Variants in SH3GL2 observed in about 807,000 individuals in gnomAD.
SH3GL2 encodes the protein endophilin-A1.
A neutral mutation model predicts 46.0 loss-of-function variants in SH3GL2; 24 were observed. The ratio of observed to expected loss-of-function variants is 0.52; its 90% CI spans 0.38 to 0.73. The LOEUF is 0.73. SH3GL2 is among the 30% of genes least tolerant of loss of function. The probability of loss-of-function intolerance (pLI) is 0.00; values close to 1 mark genes in which losing one functional copy is unlikely to be tolerated. For synonymous variants in SH3GL2, 196 were observed against 147.1 expected, an observed-to-expected ratio of 1.33 and a Z score of -2.40; for missense variants, 413 against 424.2, an observed-to-expected ratio of 0.97 and a Z score of 0.23.
intron 3 of SH3GL2, among the ~76,000 whole-genome samples, chr9:17,781,929 G>A (rs372354015): frequency 1.2e-4 from 18 of 152,024 alleles, no homozygotes; most frequent in African/African-American, 3.6e-4. Flanking sequence ...CCCACACTCT[G>A]CCTCACAGCA....
chr9:17,789,603 A>G (rs750608098), intron 6 of SH3GL2, 53 bp downstream of exon 6: 15 of 1,605,648 alleles, frequency 9.3e-6, no homozygotes, highest in Admixed American at 3.3e-5. Context: ...GCACAACATT[A>G]ATATGTTAAA....
At chr9:17,762,161 C>A (rs1823194514) in intron 3 of SH3GL2, among the ~76,000 whole-genome samples, 1 of 152,170 alleles carries the variant, frequency 6.6e-6, no homozygotes, top group South Asian at 2.1e-4. Context: ...ACCTGATAGA[C>A]CTCCTCATTA....
At chr9:17,662,880 T>G (rs548681509) in intron 1 of SH3GL2, among the ~76,000 whole-genome samples, 14 of 152,202 alleles carry the variant, frequency 9.2e-5, no homozygotes, top group Non-Finnish European at 1.9e-4. Flanking sequence ...CAGCTCATTT[T>G]TGTATTTTTT....
chr9:17,649,889 T>C (rs1389192362), intron 1 of SH3GL2, among the ~76,000 whole-genome samples: 4 of 152,246 alleles, frequency 2.6e-5, no homozygotes, highest in Non-Finnish European at 5.9e-5. Context: ...GTTCAGAGAT[T>C]TGACAGGTTT....
At chr9:17,664,726 AT>A (rs1820300712) in intron 1 of SH3GL2, among the ~76,000 whole-genome samples, 2 of 151,686 alleles carry the variant, frequency 1.3e-5, no homozygotes, top group South Asian at 4.2e-4. Flanking sequence ...CATATAGAAA[AT>A]TCAAAAGTAC....
At chr9:17,699,847 C>T (rs950062385) in intron 1 of SH3GL2, among the ~76,000 whole-genome samples, 1 of 152,202 alleles carries the variant, frequency 6.6e-6, no homozygotes, top group Non-Finnish European at 1.5e-5. Flanking sequence ...TAAAGTGTCA[C>T]GTTGAACACT....
In SH3GL2 at chr9:17,786,369, C is replaced by T. The variant is rs1194218077; in HGVS notation, c.188-12C>T. Reference sequence around the variant, plus strand: ...TGCCTACTCTGAAAGCTTGTTCTCTCTTCACCTTCAGCTTCCAGAGCTAAG... The same window carrying T: ...TGCCTACTCTGAAAGCTTGTTCTCTTTTCACCTTCAGCTTCCAGAGCTAAG... On this transcript the variant is annotated splice_polypyrimidine_tract_variant and intron_variant, in intron 3 of 8. Coordinates refer to ENST00000380607, the MANE Select transcript of SH3GL2 (RefSeq NM_003026.5). 6.2e-7 allele frequency: 1 copy of T among 1,603,206 alleles called. No individual in the cohort carries two copies. The highest frequency in any genetic ancestry group is 1.1e-5 in the South Asian group (1 of 89,686).
At chr9:17,751,470 T>TTGTTTGTGCGTGCGTG (rs1433444435) in intron 2 of SH3GL2, among the ~76,000 whole-genome samples, 1 of 132,926 alleles carries the variant, frequency 7.5e-6, no homozygotes, top group African/African-American at 3.0e-5. Context: ...GTGTGTGTTT[T>TTGTTTGTGCGTGCGTG]TGTGTGTGCG....
At chr9:17,757,989 C>T (rs1401484294) in intron 2 of SH3GL2, among the ~76,000 whole-genome samples, 4 of 152,074 alleles carry the variant, frequency 2.6e-5, no homozygotes, top group East Asian at 3.9e-4. Context: ...TATGGAGGAC[C>T]GAGGTGGAGA....
At chr9:17,782,740 G>T (rs1823846131) in intron 3 of SH3GL2, among the ~76,000 whole-genome samples, 1 of 152,052 alleles carries the variant, frequency 6.6e-6, no homozygotes, top group African/African-American at 2.4e-5. Context: ...TTGAAAAAAT[G>T]ATGTATACAG....
At chr9:17,727,921 T>C (rs2118391087) in intron 1 of SH3GL2, among the ~76,000 whole-genome samples, 1 of 152,216 alleles carries the variant, frequency 6.6e-6, no homozygotes, top group South Asian at 2.1e-4. Context: ...GGCTCTGCTT[T>C]GGAGGACTCC....
chr9:17,699,570 C>T (rs943510492), intron 1 of SH3GL2, among the ~76,000 whole-genome samples: 6 of 152,194 alleles, frequency 3.9e-5, no homozygotes, highest in Non-Finnish European at 8.8e-5. Flanking sequence ...CTGCTGCCAT[C>T]CCTGGCCTGC....
intron 2 of SH3GL2, among the ~76,000 whole-genome samples, chr9:17,747,674 T>G (rs1822732047): frequency 1.3e-5 from 2 of 152,050 alleles, no homozygotes; most frequent in Admixed American, 6.6e-5. Context: ...TTTATTATTA[T>G]TATTGTTATT....
At chr9:17,787,251 A>T in intron 4 of SH3GL2, 129 bp from the exon 5 acceptor site, 3 of 708,012 alleles carry the variant, frequency 4.2e-6, no homozygotes, top group Non-Finnish European at 7.3e-6. Context: ...GAAGATACCT[A>T]TTCTCTCTTG....
intron 3 of SH3GL2, among the ~76,000 whole-genome samples, chr9:17,771,577 G>T (rs1823482575): frequency 6.6e-6 from 1 of 152,234 alleles, no homozygotes; most frequent in Non-Finnish European, 1.5e-5. Context: ...TACACTGAGG[G>T]TTGTGTATTT....
intron 2 of SH3GL2, among the ~76,000 whole-genome samples, chr9:17,759,704 A>C (rs940349485): frequency 2.6e-5 from 4 of 152,182 alleles, no homozygotes; most frequent in African/African-American, 9.6e-5. Context: ...GGAACCTTAG[A>C]AATTGGTCAG....
chr9:17,593,273 A>G (rs1345009164), intron 1 of SH3GL2, among the ~76,000 whole-genome samples: 1 of 151,812 alleles, frequency 6.6e-6, no homozygotes, highest in African/African-American at 2.4e-5. Context: ...GGTTAGAAGC[A>G]CAGGACTGTG....
intron 1 of SH3GL2, among the ~76,000 whole-genome samples, chr9:17,580,153 C>T (rs143653828): frequency 0.011 from 1,712 of 152,224 alleles, 16 homozygotes; most frequent in Non-Finnish European, 0.015. Context: ...TACGCTGTGA[C>T]CTATTTCTTA....
At chr9:17,669,774 G>A (rs1402794150) in intron 1 of SH3GL2, among the ~76,000 whole-genome samples, 1 of 152,086 alleles carries the variant, frequency 6.6e-6, no homozygotes, top group Non-Finnish European at 1.5e-5. Context: ...TGCTTATGAG[G>A]GTGATTGTAT....
Sources: gnomAD v4.1 joint callset for allele counts (sites outside exome capture counted in the v4.1 genomes callset) on GRCh38, gnomAD v4.1.1 for gene constraint, MANE v1.5 for transcripts, NCBI Gene and HGNC (gene_info 2026-07-23, HGNC 2026-07-21) for gene names.